Variants in FGF13 observed in about 807,000 individuals in gnomAD.
FGF13 encodes fibroblast growth factor homologous factor 2.
Under a neutral mutation model 19.5 loss-of-function variants are expected in FGF13, and 2 were observed. The ratio of observed to expected loss-of-function variants is 0.10; its 90% CI spans 0.04 to 0.32. The LOEUF (loss-of-function observed/expected upper bound fraction) is 0.32. Among genes scored for constraint, FGF13 ranks in the 10% least tolerant of loss-of-function variants. The pLI is 1.00. For missense variants in FGF13, 113 were observed against 192.7 expected (o/e 0.59, Z 2.45); for synonymous variants, 72 against 76.9 (o/e 0.94, Z 0.33).
At chrX:139,018,527 A>T (rs2092163436) in intron 1 of FGF13, among the ~76,000 whole-genome samples, 1 of 111,587 alleles carries the variant, frequency 9.0e-6, no homozygotes, top group Non-Finnish European at 1.9e-5. Flanking sequence ...GGAAGCTGCC[A>T]AATGTAGCTT....
chrX:139,135,031 T>C (rs2083788975), intron 1 of FGF13, among the ~76,000 whole-genome samples: 2 of 111,204 alleles, frequency 1.8e-5, no homozygotes, highest in East Asian at 2.8e-4. Flanking sequence ...CTCAGATGAA[T>C]GGCAGAAAAA....
intron 3 of FGF13, among the ~76,000 whole-genome samples, chrX:138,808,094 A>G (rs1203657455): frequency 1.8e-5 from 2 of 111,746 alleles, no homozygotes; most frequent in African/African-American, 3.3e-5. Flanking sequence ...AGCGGACCTA[A>G]TAGACATCTA....
intron 1 of FGF13, among the ~76,000 whole-genome samples, chrX:138,878,754 T>G (rs1379920134): frequency 3.6e-5 from 4 of 111,552 alleles, no homozygotes; most frequent in Admixed American, 1.9e-4. Context: ...TGAACTAGTT[T>G]ACAGTCCCAC....
intron 1 of FGF13, among the ~76,000 whole-genome samples, chrX:138,960,614 C>T (rs1371739781): frequency 8.9e-6 from 1 of 111,845 alleles, no homozygotes; most frequent in African/African-American, 3.3e-5. Flanking sequence ...TTTCCAACTT[C>T]GTTCCATTCT....
intron 1 of FGF13, among the ~76,000 whole-genome samples, chrX:139,075,899 G>A (rs1226602889): frequency 3.3e-5 from 1 of 30,239 alleles, no homozygotes; most frequent in Non-Finnish European, 5.2e-5. Flanking sequence ...GCGGACTGCA[G>A]TGGCGCAATC....
intron 1 of FGF13, among the ~76,000 whole-genome samples, chrX:139,018,801 A>G (rs1439571269): frequency 1.8e-5 from 2 of 110,345 alleles, no homozygotes; most frequent in Non-Finnish European, 3.8e-5. Context: ...TTCTTTGTAA[A>G]CAGCTTAATT....
chrX:138,809,397 C>G (rs953444751), intron 3 of FGF13, among the ~76,000 whole-genome samples: 1 of 111,438 alleles, frequency 9.0e-6, no homozygotes, highest in African/African-American at 3.3e-5. Flanking sequence ...ATTCTACAGC[C>G]CTTCATGCTA....
At chrX:138,853,648 T>TAA (rs2091239850), downstream of FGF13, among the ~76,000 whole-genome samples, 1 of 109,118 alleles carries the variant, frequency 9.2e-6, no homozygotes, top group African/African-American at 3.4e-5. Flanking sequence ...TGTGTGTGTG[T>TAA]GTAATCACAT....
At chrX:138,695,847 G>GTGGATATATCCCCACATGGA (rs1379719849) in intron 3 of FGF13, among the ~76,000 whole-genome samples, 60 of 112,281 alleles carry the variant, frequency 5.3e-4, no homozygotes, top group African/African-American at 1.9e-3. Flanking sequence ...ATATAGTAGT[G>GTGGATATATCCCCACATGGA]TATAAGAAAA....
At chrX:138,793,345 T>C (rs1240922399) in intron 3 of FGF13, among the ~76,000 whole-genome samples, 5 of 111,819 alleles carry the variant, frequency 4.5e-5, no homozygotes, top group Admixed American at 1.9e-4. Context: ...CCTTCATTTC[T>C]AGATACACAA....
chrX:138,859,581 A>T lies in FGF13; in HGVS notation c.-38-1902T>A, dbSNP rs181287099. ...ATGTCACAAATTGACATTTCTGGAG[A>T]TTAATAGTGGACTGAAGCTAATAGC... On this transcript the variant is annotated intron_variant, in intron 2 of 2. Coordinates refer to the FGF13 transcript ENST00000421460. Among the ~76,000 whole-genome samples, 203 of 112,469 alleles carry T rather than the reference A, an allele frequency of 1.8e-3. 1 individual carries two copies. The highest frequency in any genetic ancestry group is 2.2e-3 in the Admixed American group (23 of 10,646).
chrX:139,015,733 C>G (rs2092150308), intron 1 of FGF13, among the ~76,000 whole-genome samples: 1 of 111,510 alleles, frequency 9.0e-6, no homozygotes, highest in Non-Finnish European at 1.9e-5. Flanking sequence ...GGAACCACTA[C>G]AGACTCAGAA....
At chrX:139,157,205 C>A (rs949436628) in intron 1 of FGF13, among the ~76,000 whole-genome samples, 2 of 111,329 alleles carry the variant, frequency 1.8e-5, no homozygotes, top group Non-Finnish European at 1.9e-5. Flanking sequence ...GAAGCTATAT[C>A]ATTTGCCAAA....
At chrX:138,671,553 T>G (rs1040927942) in intron 3 of FGF13, among the ~76,000 whole-genome samples, 2 of 111,368 alleles carry the variant, frequency 1.8e-5, no homozygotes, top group Non-Finnish European at 3.8e-5. Context: ...CTGTTCCAGG[T>G]ACTCGGGAAA....
chrX:138,884,894 C>A (rs747396239), intron 1 of FGF13, among the ~76,000 whole-genome samples: 1 of 111,798 alleles, frequency 8.9e-6, no homozygotes, highest in Admixed American at 9.5e-5. Context: ...AAATGCTCCC[C>A]TTTACTGAGT....
At chrX:139,163,723 C>G (rs1315996635) in intron 1 of FGF13, among the ~76,000 whole-genome samples, 4 of 111,177 alleles carry the variant, frequency 3.6e-5, no homozygotes, top group Non-Finnish European at 7.5e-5. Context: ...ACTGCCACCA[C>G]TACTATCACC....
At chrX:139,186,360 T>C (rs1233411730) in intron 1 of FGF13, among the ~76,000 whole-genome samples, 3 of 111,787 alleles carry the variant, frequency 2.7e-5, no homozygotes, top group African/African-American at 9.8e-5. Context: ...ACCACTCATG[T>C]TATTATTTGC....
At chrX:139,204,400 G>A (rs1204769253), upstream of FGF13, 1 of 179,352 alleles carries the variant, frequency 5.6e-6, no homozygotes, top group African/African-American at 3.1e-5. Flanking sequence ...AAGAGACAAA[G>A]CGGCGCGGCG....
intron 3 of FGF13, among the ~76,000 whole-genome samples, chrX:138,786,726 T>G (rs1369851458): frequency 8.9e-6 from 1 of 111,930 alleles, no homozygotes; most frequent in African/African-American, 3.3e-5. Context: ...CCTCTCGACT[T>G]CAGGTCCCAT....
Sources: allele counts gnomAD v4.1 joint callset (sites outside exome capture counted in the v4.1 genomes callset), GRCh38; gene constraint gnomAD v4.1.1; transcripts MANE v1.5; gene names NCBI Gene and HGNC (gene_info 2026-07-23, HGNC 2026-07-21).